The following WHRN variants were observed in gnomAD, a reference collection of about 807,000 sequenced individuals.
The protein encoded by WHRN is whirlin.
WHRN carries 41 observed loss-of-function variants against 68.3 expected under a neutral mutation model. The ratio of observed to expected loss-of-function variants is 0.60; its 90% CI spans 0.47 to 0.78. The LOEUF (loss-of-function observed/expected upper bound fraction) is 0.78. Ranked by LOEUF, WHRN falls within the 30% of genes least tolerant of loss-of-function variation. The pLI, the probability that WHRN is intolerant of heterozygous loss-of-function variation, is 0.00. For missense variants in WHRN, 1,243 were observed against 1,244.7 expected, an observed-to-expected ratio of 1.00 and a Z score of 0.02; for synonymous variants, 560 against 561.3, an observed-to-expected ratio of 1.00 and a Z score of 0.03.
In WHRN at chr9:114,465,953, A is replaced by T. The variant is rs73656118; in HGVS notation, c.963+314T>A. On this transcript the variant is annotated intron_variant, in intron 3 of 11. Coordinates refer to ENST00000362057, the MANE Select transcript of WHRN (RefSeq NM_015404.4). ...AAGCTGCCCAGGGCACCCCCAACCCAGCTTATCACTTTCTCTCCTCTATCC... is the reference window on the plus strand; with the variant it reads ...AAGCTGCCCAGGGCACCCCCAACCCTGCTTATCACTTTCTCTCCTCTATCC... Among the ~76,000 whole-genome samples the T allele has an allele frequency of 0.037, 5,575 of 152,260 alleles. 349 individuals are homozygous for T. Among genetic ancestry groups the T allele is most frequent in the African/African-American group, 0.13 (5,252 of 41,520 alleles).
chr9:114,501,099 G>GTC (rs1178632805), intron 1 of WHRN, among the ~76,000 whole-genome samples: 5 of 152,214 alleles, frequency 3.3e-5, no homozygotes, highest in Non-Finnish European at 7.3e-5. Flanking sequence ...CCCAGAGAGG[G>GTC]TCAGTGACTT....
At chr9:114,461,314 T>C (rs2132876703) in intron 3 of WHRN, among the ~76,000 whole-genome samples, 1 of 152,360 alleles carries the variant, frequency 6.6e-6, no homozygotes. Context: ...TAACCAGTGT[T>C]GACACTGTGG....
chr9:114,409,032 G>C (rs1017350525), intron 7 of WHRN, among the ~76,000 whole-genome samples: 2 of 152,198 alleles, frequency 1.3e-5, no homozygotes, highest in African/African-American at 4.8e-5. Context: ...CAGCTTCCCT[G>C]GGCCTCCGAC....
At chr9:114,477,925 A>C (rs113856494) in intron 2 of WHRN, among the ~76,000 whole-genome samples, 3 of 152,252 alleles carry the variant, frequency 2.0e-5, no homozygotes, top group African/African-American at 7.2e-5. Context: ...GAAATTAAAG[A>C]GATGCCTCTC....
intron 3 of WHRN, among the ~76,000 whole-genome samples, chr9:114,459,182 G>C (rs773248280): frequency 6.6e-6 from 1 of 152,182 alleles, no homozygotes; most frequent in African/African-American, 2.4e-5. Context: ...TTTCAGCCAG[G>C]CATGGTGGCT....
At chr9:114,469,777 C>T (rs1262417478) in intron 2 of WHRN, among the ~76,000 whole-genome samples, 2 of 152,242 alleles carry the variant, frequency 1.3e-5, no homozygotes, top group African/African-American at 2.4e-5. Flanking sequence ...GATTTGTTAT[C>T]TGACAGTTTG....
chr9:114,445,243 T>A (rs781099803), intron 3 of WHRN, among the ~76,000 whole-genome samples: 1 of 152,120 alleles, frequency 6.6e-6, no homozygotes, highest in African/African-American at 2.4e-5. Context: ...AGTTTCACCA[T>A]GTTGCCCAGG....
At chr9:114,436,893 T>C (rs1277862698) in intron 3 of WHRN, among the ~76,000 whole-genome samples, 1 of 151,736 alleles carries the variant, frequency 6.6e-6, no homozygotes, top group Non-Finnish European at 1.5e-5. Context: ...ATTATTTAAA[T>C]ATAATGAAAA....
intron 3 of WHRN, among the ~76,000 whole-genome samples, chr9:114,461,454 A>G (rs1840239386): frequency 6.6e-6 from 1 of 152,206 alleles, no homozygotes; most frequent in Non-Finnish European, 1.5e-5. Context: ...ACATCTTTCC[A>G]CATTAATAAC....
intron 7 of WHRN, among the ~76,000 whole-genome samples, chr9:114,412,383 C>T (rs967805475): frequency 6.6e-6 from 1 of 152,164 alleles, no homozygotes; most frequent in Non-Finnish European, 1.5e-5. Flanking sequence ...GGGCCCCCTC[C>T]CCCTGTACCC....
At chr9:114,481,788 C>T (rs1448128308) in intron 1 of WHRN, among the ~76,000 whole-genome samples, 1 of 152,256 alleles carries the variant, frequency 6.6e-6, no homozygotes, top group Non-Finnish European at 1.5e-5. Flanking sequence ...TGGGTCTATC[C>T]TCATGACAGG....
chr9:114,439,166 G>T (rs1050359571), intron 3 of WHRN, among the ~76,000 whole-genome samples: 7 of 152,106 alleles, frequency 4.6e-5, no homozygotes, highest in Non-Finnish European at 7.4e-5. Flanking sequence ...AGGGACATGG[G>T]GAGTCGTACT....
rs1288905156 is a variant in WHRN, at chr9:114,406,740, C to A, written c.1851G>T (p.Ser617=). 1.2e-6 allele frequency: 2 copies of A among 1,613,994 alleles called. No homozygotes were observed. The highest frequency in any genetic ancestry group is 4.5e-5 in the East Asian group (2 of 44,888). The change falls in exon 9 of 12, where the codon TCG becomes TCT. Residue 617 remains serine (S), a synonymous_variant. Transcript: ENST00000362057. Reference sequence around the variant, plus strand: ...TCTGTGGAGCCGAGAAGACAGTGCCCGAGCAGGAAGGCATGGAGGAAGGTG... The same window carrying A: ...TCTGTGGAGCCGAGAAGACAGTGCCAGAGCAGGAAGGCATGGAGGAAGGTG... ...LQPPSSMPSC[S]GTVFSAPQNR...
chr9:114,406,832 G>A lies in WHRN; in HGVS notation c.1759C>T (p.Pro587Ser). ...GGGAGGTCGTTGCCTTGGGCCAGAG[G>A]TGGTGGGCGAGGCAGTGGCTTGAAG... ...SSFKPLPRPP[P>S]LAQGNDLPLG... Residue 587 changes from proline (P) to serine (S), a missense_variant, in exon 9 of 12, where the codon CCT becomes TCT. Transcript: ENST00000362057. The A allele has an allele frequency of 1.2e-6, 2 of 1,607,558 alleles. No individual in the cohort carries two copies. Among genetic ancestry groups the A allele is most frequent in the Non-Finnish European group, 1.7e-6 (2 of 1,176,952 alleles).
At chr9:114,407,831 C>T in intron 8 of WHRN, 116 bp downstream of exon 8, 1 of 851,592 alleles carries the variant, frequency 1.2e-6, no homozygotes, top group Non-Finnish European at 2.0e-6. Flanking sequence ...TGGCAGAGGC[C>T]TCTGTCTCCT....
At chr9:114,486,211 TTTC>T (rs1160916756) in intron 1 of WHRN, among the ~76,000 whole-genome samples, 1 of 152,232 alleles carries the variant, frequency 6.6e-6, no homozygotes, top group East Asian at 1.9e-4. Context: ...GTCCCCCAAC[TTTC>T]TTCTTTTTAA....
At position 114,484,861 on chromosome 9, in the gene WHRN, C is replaced by G. The variant is rs113413073; in HGVS notation, c.619-6090G>C. Among the ~76,000 whole-genome samples, 1,200 of 152,288 alleles carry G rather than the reference C, an allele frequency of 7.9e-3. 17 individuals carry two copies. The highest frequency in any genetic ancestry group is 0.027 in the African/African-American group (1,139 of 41,568). On this transcript the variant is annotated intron_variant, in intron 1 of 11. Transcript: ENST00000362057. ...AGCTCTTTGGAGCCAACTCTGAAACCCCAAAATCATAGACCAGGCTGACAT... is the reference window on the plus strand; with the variant it reads ...AGCTCTTTGGAGCCAACTCTGAAACGCCAAAATCATAGACCAGGCTGACAT...
chr9:114,432,873 C>T (rs574019161), intron 3 of WHRN, among the ~76,000 whole-genome samples: 1 of 152,340 alleles, frequency 6.6e-6, no homozygotes, highest in Non-Finnish European at 1.5e-5. Context: ...CTGTTGATCA[C>T]TCACCAACCA....
chr9:114,469,449 C>G (rs1184895597), intron 2 of WHRN, among the ~76,000 whole-genome samples: 8 of 152,208 alleles, frequency 5.3e-5, no homozygotes, highest in Admixed American at 4.6e-4. Context: ...AGGACCAAGG[C>G]GCTCCTCCTC....
Sources: allele counts gnomAD v4.1 joint callset (sites outside exome capture counted in the v4.1 genomes callset), GRCh38; gene constraint gnomAD v4.1.1; transcripts MANE v1.5; gene names NCBI Gene and HGNC (gene_info 2026-07-23, HGNC 2026-07-21).